INSR: variants seen among roughly 807,000 people sequenced by gnomAD.
INSR encodes insulin receptor, also known as IR.
Under a neutral mutation model 142.6 loss-of-function variants are expected in INSR, and 67 were observed. The observed-to-expected ratio is 0.47, with a 90% confidence interval of 0.39 to 0.58. The LOEUF (loss-of-function observed/expected upper bound fraction) is 0.58. Among genes scored for constraint, INSR ranks in the 20% least tolerant of loss-of-function variants. INSR has a pLI of 0.00. For missense variants in INSR, 1,248 were observed against 1,833.2 expected (o/e 0.68, Z 5.83); for synonymous variants, 756 against 743.1 (o/e 1.02, Z -0.28).
chr19:7,117,906 C>T (rs1433449014), intron 21 of INSR, among the ~76,000 whole-genome samples: 2 of 141,846 alleles, frequency 1.4e-5, no homozygotes, highest in East Asian at 4.1e-4. Flanking sequence ...CATGCCTGGC[C>T]GCTTTTTTTT....
intron 2 of INSR, among the ~76,000 whole-genome samples, chr19:7,187,527 A>G (rs1974462345): frequency 6.6e-6 from 1 of 152,146 alleles, no homozygotes; most frequent in South Asian, 2.1e-4. Context: ...TTACACATTT[A>G]TGGGGTACTT....
intron 2 of INSR, among the ~76,000 whole-genome samples, chr19:7,194,041 T>G (rs955879523): frequency 6.6e-6 from 1 of 152,176 alleles, no homozygotes; most frequent in African/African-American, 2.4e-5. Flanking sequence ...GTAAACAATG[T>G]TATTGATCAG....
chr19:7,256,931 CTTTTTT>C (rs772500676), intron 2 of INSR, among the ~76,000 whole-genome samples: 1 of 109,476 alleles, frequency 9.1e-6, no homozygotes, highest in Non-Finnish European at 1.8e-5. Context: ...TCTACCCTAC[CTTTTTT>C]TTTTTTTTTT....
intron 2 of INSR, among the ~76,000 whole-genome samples, chr19:7,241,049 A>AC (rs776617638): frequency 1.8e-4 from 28 of 152,328 alleles, no homozygotes; most frequent in Admixed American, 1.1e-3. Context: ...AAGTTTATGT[A>AC]CCAAACCTAA....
chr19:7,181,128 T>G (rs938904532), intron 3 of INSR, among the ~76,000 whole-genome samples: 1 of 152,084 alleles, frequency 6.6e-6, no homozygotes, highest in Non-Finnish European at 1.5e-5. Flanking sequence ...GTATTTTTAG[T>G]AGAGATGGGG....
chr19:7,183,391 C>T (rs936783883), intron 3 of INSR, among the ~76,000 whole-genome samples: 1 of 152,054 alleles, frequency 6.6e-6, no homozygotes, highest in Non-Finnish European at 1.5e-5. Context: ...GGAAGAAGCT[C>T]ACAGTACGAA....
At position 7,282,265 on chromosome 19, in the gene INSR, T is replaced by C. The variant is rs1968223028; in HGVS notation, c.100+11527A>G. The stretch of plus-strand genomic sequence containing the variant: ...CTGTAATCCCAGCTACTCGGGAGGC[T>C]GAGGCAGGAGAATTGCTTGAACCCA... On this transcript the variant is annotated intron_variant, in intron 1 of 21. Coordinates refer to ENST00000302850, the MANE Select transcript of INSR (RefSeq NM_000208.4). Among the ~76,000 whole-genome samples, 3 of 151,958 alleles carry C rather than the reference T, an allele frequency of 2.0e-5. No individual in the cohort carries two copies. In the South Asian group the frequency reaches 6.2e-4, roughly 32 times the overall value.
intron 12 of INSR, among the ~76,000 whole-genome samples, chr19:7,142,249 G>A (rs1973086902): frequency 6.7e-6 from 1 of 149,108 alleles, no homozygotes; most frequent in African/African-American, 2.5e-5. Flanking sequence ...GAAAATACAG[G>A]TGTGGTGGCA....
chr19:7,248,254 TC>T (rs921207877), intron 2 of INSR, among the ~76,000 whole-genome samples: 11 of 150,588 alleles, frequency 7.3e-5, no homozygotes, highest in Non-Finnish European at 1.5e-4. Flanking sequence ...CAAGCAATCC[TC>T]CCACCTCAGT....
At chr19:7,286,881 C>T (rs2145249573) in intron 1 of INSR, among the ~76,000 whole-genome samples, 1 of 151,794 alleles carries the variant, frequency 6.6e-6, no homozygotes, top group African/African-American at 2.4e-5. Context: ...GAGGATCTCA[C>T]TGTTGCCCAG....
chr19:7,119,192 C>T lies in INSR; in HGVS notation c.3794+257G>A, dbSNP rs1972414929. Among the ~76,000 whole-genome samples, 1 of 152,116 alleles carries T rather than the reference C, an allele frequency of 6.6e-6. No individual in the cohort carries two copies. The highest frequency in any genetic ancestry group is 2.1e-4 in the South Asian group (1 of 4,836). ...AACATATAATATGCAAACATAAATA[C>T]CTATGTAAATATATAATATGCAAAC... On this transcript the variant is annotated intron_variant, in intron 21 of 21. Coordinates refer to ENST00000302850, the MANE Select transcript of INSR (RefSeq NM_000208.4). The surrounding 1 kb of genome is among the most constrained non-coding windows in gnomAD (Gnocchi z 5.2).
At chr19:7,197,280 C>CT (rs1974776201) in intron 2 of INSR, among the ~76,000 whole-genome samples, 1 of 152,252 alleles carries the variant, frequency 6.6e-6, no homozygotes, top group African/African-American at 2.4e-5. Context: ...ACCAGAGGGC[C>CT]TTCCCGCTTC....
intron 17 of INSR, 161 bp from the exon 18 acceptor site, chr19:7,123,150 A>C: frequency 1.6e-6 from 1 of 638,228 alleles, no homozygotes. Context: ...CCCGGACAGC[A>C]GACAGATAGG....
At position 7,159,183 on chromosome 19, in the gene INSR, G is replaced by C; in HGVS notation, c.2029+3849C>G. On this transcript the variant is annotated intron_variant, in intron 9 of 21. Coordinates refer to ENST00000302850, the MANE Select transcript of INSR (RefSeq NM_000208.4). This position sits in a 1 kb window ranked among gnomAD's most constrained non-coding sequence, Gnocchi z 4.3. ...GCCTCCCAGTGTGCTGGGATTACAG[G>C]CGTGAGCCACTGTGCCCGGTAAATC... Among the ~76,000 whole-genome samples the C allele has an allele frequency of 6.6e-6, 1 of 152,134 alleles. No homozygotes were observed. Among genetic ancestry groups the C allele is most frequent in the South Asian group, 2.1e-4 (1 of 4,834 alleles).
At chr19:7,134,393 C>T (rs1282713661) in intron 13 of INSR, among the ~76,000 whole-genome samples, 4 of 151,884 alleles carry the variant, frequency 2.6e-5, no homozygotes, top group Admixed American at 2.0e-4. Flanking sequence ...GATAAATGTG[C>T]TTAATGTCTA....
At chr19:7,290,367 C>T (rs1289758907) in intron 1 of INSR, among the ~76,000 whole-genome samples, 1 of 152,108 alleles carries the variant, frequency 6.6e-6, no homozygotes, top group Non-Finnish European at 1.5e-5. Context: ...CATTGCCCAA[C>T]TGCACTCCAG....
intron 6 of INSR, among the ~76,000 whole-genome samples, chr19:7,169,782 T>C (rs1374749706): frequency 1.3e-5 from 2 of 152,164 alleles, no homozygotes; most frequent in Admixed American, 1.3e-4. Flanking sequence ...CATCCATCAT[T>C]CATTCATCCA....
rs772038622 is a variant in INSR, at chr19:7,119,105, CAT to C, written c.3794+342_3794+343del. On this transcript the variant is annotated intron_variant, in intron 21 of 21. Transcript: ENST00000302850. The surrounding 1 kb of genome is among the most constrained non-coding windows in gnomAD (Gnocchi z 5.2). Reference sequence around the variant, plus strand: ...GGCAGGTAAAGACATAATATGTAAACATGTGTGCTTATAATATGTAAATGAGG... The same window carrying C: ...GGCAGGTAAAGACATAATATGTAAACGTGTGCTTATAATATGTAAATGAGG... Among the ~76,000 whole-genome samples, 2 of 152,034 alleles carry C rather than the reference CAT, an allele frequency of 1.3e-5. No individual in the cohort carries two copies. The highest frequency in any genetic ancestry group is 4.8e-5 in the African/African-American group (2 of 41,384).
chr19:7,167,574 CAA>C (rs34670852), intron 7 of INSR, among the ~76,000 whole-genome samples: 146 of 123,454 alleles, frequency 1.2e-3, no homozygotes, highest in Middle Eastern at 4.5e-3. Context: ...GACTCTGTCT[CAA>C]AAAAAAAAAA....
Sources: gnomAD v4.1 joint callset for allele counts (sites outside exome capture counted in the v4.1 genomes callset) on GRCh38, gnomAD v4.1.1 for gene constraint, Gnocchi (gnomAD v3.1) non-coding constraint, MANE v1.5 for transcripts, NCBI Gene and HGNC (gene_info 2026-07-23, HGNC 2026-07-21) for gene names.